Variants in ARL5A observed in about 807,000 individuals in gnomAD.
ARL5A encodes the protein ADP-ribosylation factor-like protein 5A.
In ARL5A, 18 loss-of-function variants were observed where a neutral mutation model predicts 25.9. That is an observed-to-expected ratio of 0.69 (90% CI 0.48 to 1.03). The LOEUF is 1.03. ARL5A is among the 50% of genes least tolerant of loss of function. ARL5A has a pLI of 0.00. For missense variants in ARL5A, 170 were observed against 211.9 expected (o/e 0.80, Z 1.23); for synonymous variants, 61 against 67.5 (o/e 0.90, Z 0.47).
At position 151,812,451 on chromosome 2, in the gene ARL5A, T is replaced by C. The variant is rs908731108; in HGVS notation, c.256-11A>G. Reference sequence around the variant, plus strand: ...AACAACTATTACAAACTAAAATAATTACAAAAAAATTATTAGTGATTATAC... The same window carrying C: ...AACAACTATTACAAACTAAAATAATCACAAAAAAATTATTAGTGATTATAC... On this transcript the variant is annotated splice_polypyrimidine_tract_variant and intron_variant, in intron 3 of 5. Transcript: ENST00000295087. The C allele has an allele frequency of 6.5e-7, 1 of 1,531,246 alleles. No homozygotes were observed. Among genetic ancestry groups the C allele is most frequent in the African/African-American group, 1.4e-5 (1 of 71,716 alleles). The allele number at this position is 1,531,246 out of a possible 1,614,324, so 94.9% of individuals were successfully genotyped here. A position where few individuals can be genotyped will look rare whatever the true frequency, so the allele number is the denominator to read the frequency against.
chr2:151,824,294 GC>G (rs1280935336), intron 1 of ARL5A, among the ~76,000 whole-genome samples: 1 of 152,174 alleles, frequency 6.6e-6, no homozygotes, highest in Non-Finnish European at 1.5e-5. Flanking sequence ...CTAGGCTAAA[GC>G]CATGGTTTTC....
chr2:151,825,231 A>G (rs779002874), intron 1 of ARL5A, among the ~76,000 whole-genome samples: 11 of 152,216 alleles, frequency 7.2e-5, no homozygotes, highest in Non-Finnish European at 1.6e-4. Flanking sequence ...AAAAGTTACT[A>G]ATGGCAACTT....
At chr2:151,816,788 C>T (rs2099831569) in intron 1 of ARL5A, among the ~76,000 whole-genome samples, 1 of 152,216 alleles carries the variant, frequency 6.6e-6, no homozygotes, top group Non-Finnish European at 1.5e-5. Context: ...GTACAACACT[C>T]TCAAGACACT....
intron 5 of ARL5A, among the ~76,000 whole-genome samples, 194 bp downstream of exon 5, chr2:151,806,627 A>G (rs1189965675): frequency 1.3e-5 from 2 of 152,098 alleles, no homozygotes; most frequent in Non-Finnish European, 2.9e-5. Context: ...GTTTATGTGT[A>G]TTATGTTTAT....
At chr2:151,821,156 C>G (rs1025630962) in intron 1 of ARL5A, among the ~76,000 whole-genome samples, 24 of 152,168 alleles carry the variant, frequency 1.6e-4, no homozygotes, top group African/African-American at 5.1e-4. Flanking sequence ...TTTAACTTTG[C>G]TCATGCCATT....
Position 151,812,425 on chromosome 2 carries a change from C to A in ARL5A, c.271G>T (p.Val91Leu). The A allele has an allele frequency of 6.3e-7, 1 of 1,585,706 alleles. No homozygotes were observed. Among genetic ancestry groups the A allele is most frequent in the Non-Finnish European group, 8.5e-7 (1 of 1,169,988 alleles). The change falls in exon 4 of 6, where the codon GTG (valine) becomes TTG (leucine). Residue 91 changes from valine to leucine, a missense_variant. Coordinates refer to ENST00000295087, the MANE Select transcript of ARL5A (RefSeq NM_012097.4). The part of the protein sequence containing the change: ...YTNTEFVIVV[V>L]DSTDRERISV... ...ATCCTCTCTCTGTCTGTACTGTCCACAACAACTATTACAAACTAAAATAAT... is the reference window on the plus strand; with the variant it reads ...ATCCTCTCTCTGTCTGTACTGTCCAAAACAACTATTACAAACTAAAATAAT...
intron 5 of ARL5A, among the ~76,000 whole-genome samples, chr2:151,803,958 A>G (rs2099829760): frequency 6.6e-6 from 1 of 152,216 alleles, no homozygotes; most frequent in Non-Finnish European, 1.5e-5. Flanking sequence ...TTGTCTAAAA[A>G]TACAGAAAAA....
intron 1 of ARL5A, among the ~76,000 whole-genome samples, chr2:151,820,790 G>C (rs1355010531): frequency 3.3e-5 from 5 of 152,072 alleles, no homozygotes; most frequent in Admixed American, 2.0e-4. Flanking sequence ...TTTGGGCCGG[G>C]AAAGAAATCC....
chr2:151,817,123 T>C (rs2099831620), intron 1 of ARL5A, among the ~76,000 whole-genome samples: 1 of 152,228 alleles, frequency 6.6e-6, no homozygotes. Flanking sequence ...ACAGCAAACA[T>C]TTCTCTACAG....
Position 151,812,364 on chromosome 2 carries a change from G to A in ARL5A, c.332C>T (p.Ala111Val), listed in dbSNP as rs141663338. 2.4e-5 allele frequency: 38 copies of A among 1,599,080 alleles called. 1 individual carries two copies. The highest frequency in any genetic ancestry group is 1.9e-4 in the South Asian group (17 of 89,268). Residue 111 changes from alanine (A) to valine (V), a missense_variant, in exon 4 of 6, where the codon GCG (alanine) becomes GTG (valine). By Grantham distance (64) the Ala-to-Val change is moderately conservative. Transcript: ENST00000295087. The stretch of plus-strand genomic sequence containing the variant: ...AAAAGACTACTTACTTACCTCATGC[G>A]CTAACATTTTATAGAGTTCTTCTCT... ...VTREELYKML[A>V]HEDLRKAGLL... is the part of the protein sequence containing the mutation.
Position 151,815,283 on chromosome 2 carries a change from C to T in ARL5A, c.47-84G>A, listed in dbSNP as rs988199403. 31 of 1,098,382 alleles carry T rather than the reference C, an allele frequency of 2.8e-5. No individual in the cohort carries two copies. The Admixed American group carries it at 4.3e-4, about 15-fold the overall frequency. The allele number at this position is 1,098,382 out of a possible 1,614,324, so 68.0% of individuals were successfully genotyped here. A position where few individuals can be genotyped will look rare whatever the true frequency, so the allele number is the denominator to read the frequency against. ...ATAGGAAAAAATATACTCTGTATCT[C>T]ACCCTTCTATCTATGGCATAATTCA... On this transcript the variant is annotated intron_variant, in intron 1 of 5. Coordinates refer to ENST00000295087, the MANE Select transcript of ARL5A (RefSeq NM_012097.4).
Position 151,802,644 on chromosome 2 carries a change from G to T in ARL5A, c.*632C>A, listed in dbSNP as rs1302521906. 1 of 151,724 alleles carries T rather than the reference G, an allele frequency of 6.6e-6. No homozygotes were observed. Among genetic ancestry groups the T allele is most frequent in the African/African-American group, 2.4e-5 (1 of 41,150 alleles). The allele number at this position is 151,724 out of a possible 1,614,324, so 9.4% of individuals were successfully genotyped here. On this transcript the variant is annotated 3_prime_UTR_variant, in exon 6 of 6. Coordinates refer to ENST00000295087, the MANE Select transcript of ARL5A (RefSeq NM_012097.4). Reference sequence around the variant, plus strand: ...AAACAAGCAGCTCAGCGATTTGGGAGGTTGGTTAGTACAATACAGAGAACA... The same window carrying T: ...AAACAAGCAGCTCAGCGATTTGGGATGTTGGTTAGTACAATACAGAGAACA...
intron 1 of ARL5A, among the ~76,000 whole-genome samples, chr2:151,826,941 T>C (rs1382608039): frequency 2.0e-5 from 3 of 152,188 alleles, no homozygotes; most frequent in African/African-American, 7.2e-5. Context: ...TGTGTGTGTG[T>C]GTGTGCGTAA....
At chr2:151,816,522 ATAT>A (rs2099831528) in intron 1 of ARL5A, among the ~76,000 whole-genome samples, 1 of 152,176 alleles carries the variant, frequency 6.6e-6, no homozygotes, top group Admixed American at 6.5e-5. Context: ...ACTGAAGGAG[ATAT>A]TAATGGCATT....
intron 5 of ARL5A, 151 bp downstream of exon 5, chr2:151,806,670 A>T (rs554935006): frequency 1.7e-4 from 117 of 675,568 alleles, no homozygotes; most frequent in Non-Finnish European, 2.4e-4. Flanking sequence ...CACCCTAAAA[A>T]GTCTCTGATT....
chr2:151,825,472 T>C (rs1439495689), intron 1 of ARL5A, among the ~76,000 whole-genome samples: 1 of 152,082 alleles, frequency 6.6e-6, no homozygotes, highest in African/African-American at 2.4e-5. Context: ...TGTTAAAACA[T>C]AAAATAAAAT....
intron 4 of ARL5A, among the ~76,000 whole-genome samples, chr2:151,809,551 A>G (rs1243341557): frequency 1.3e-5 from 2 of 152,252 alleles, no homozygotes; most frequent in African/African-American, 4.8e-5. Flanking sequence ...AGAACAGTAG[A>G]AAATAGATAT....
chr2:151,827,878 G>A (rs1008765109), intron 1 of ARL5A: 20 of 512,960 alleles, frequency 3.9e-5, no homozygotes, highest in African/African-American at 6.1e-5. Flanking sequence ...ATTCGAAATC[G>A]GAGCAATGGG....
intron 3 of ARL5A, among the ~76,000 whole-genome samples, chr2:151,813,076 G>A (rs2099831061): frequency 6.6e-6 from 1 of 152,140 alleles, no homozygotes; most frequent in Admixed American, 6.6e-5. Context: ...TCAACTCCGT[G>A]AGCACCCAAA....
Sources: gnomAD v4.1 joint callset for allele counts (sites outside exome capture counted in the v4.1 genomes callset) on GRCh38, gnomAD v4.1.1 for gene constraint, MANE v1.5 for transcripts, NCBI Gene and HGNC (gene_info 2026-07-23, HGNC 2026-07-21) for gene names.